Variants in PRKCZ observed in about 807,000 individuals in gnomAD.
PRKCZ encodes protein kinase C zeta.
PRKCZ carries 33 observed loss-of-function variants against 79.5 expected under a neutral mutation model. The ratio of observed to expected loss-of-function variants is 0.41; its 90% CI spans 0.31 to 0.55. PRKCZ has a LOEUF of 0.55. PRKCZ is among the 20% of genes least tolerant of loss of function. The pLI is 0.19. For synonymous variants in PRKCZ, 342 were observed against 320.9 expected (o/e 1.07, Z -0.70); for missense variants, 578 against 813.5 (o/e 0.71, Z 3.52).
intron 4 of PRKCZ, among the ~76,000 whole-genome samples, chr1:2,081,059 C>A (rs1663411469): frequency 1.3e-5 from 2 of 152,224 alleles, no homozygotes; most frequent in African/African-American, 4.8e-5. Flanking sequence ...CTCACACCTG[C>A]CCGTGCCTCT....
At chr1:2,145,269 G>C (rs116656192) in intron 6 of PRKCZ, 6 of 152,216 alleles carry the variant, frequency 3.9e-5, no homozygotes, top group Non-Finnish European at 8.8e-5. Context: ...AGCTAGAGGC[G>C]GAGGGAGGCC....
chr1:2,097,088 C>T (rs902642841), intron 4 of PRKCZ, among the ~76,000 whole-genome samples: 3 of 152,234 alleles, frequency 2.0e-5, no homozygotes, highest in African/African-American at 4.8e-5. Flanking sequence ...GAGGCTTCAT[C>T]GCCTGCACAG....
chr1:2,143,348 T>C (rs948180404), intron 5 of PRKCZ: 1 of 152,142 alleles, frequency 6.6e-6, no homozygotes, highest in African/African-American at 2.4e-5. Context: ...TCGTCTTAAC[T>C]CAGGTGTGAG....
chr1:2,091,085 G>A (rs1225971883), intron 4 of PRKCZ, among the ~76,000 whole-genome samples: 1 of 152,212 alleles, frequency 6.6e-6, no homozygotes, highest in African/African-American at 2.4e-5. Flanking sequence ...AGGCTGGACT[G>A]CAGTGGTGCA....
At chr1:2,067,962 C>T (rs546649080) in intron 4 of PRKCZ, among the ~76,000 whole-genome samples, 209 of 152,312 alleles carry the variant, frequency 1.4e-3, no homozygotes, top group African/African-American at 4.7e-3. Context: ...TGACCTGGGA[C>T]GGGGCCCTTC....
chr1:2,056,374 C>T (rs1377493236), intron 2 of PRKCZ, 110 bp from the exon 3 acceptor site: 14 of 983,892 alleles, frequency 1.4e-5, no homozygotes, highest in Non-Finnish European at 1.6e-5. Flanking sequence ...GTCTGAGCAT[C>T]GGGACTTTGC....
chr1:2,102,314 GTTT>G lies in PRKCZ; in HGVS notation c.335-32939_335-32937del, dbSNP rs113018085. The stretch of plus-strand genomic sequence containing the variant: ...AAGCCTAGTACACGTTTTTTATTGC[GTTT>G]TTTTTTTTGTTTGTTTTGTTTTGTT... On this transcript the variant is annotated intron_variant, in intron 4 of 17. Coordinates refer to ENST00000378567, the MANE Select transcript of PRKCZ (RefSeq NM_002744.6). Among the ~76,000 whole-genome samples, 28 of 143,830 alleles carry G rather than the reference GTTT, an allele frequency of 1.9e-4. 1 individual carries two copies. In the East Asian group the frequency reaches 3.5e-3, roughly 18 times the overall value. The allele number at this position is 143,830 out of a possible 152,430, so 94.4% of individuals were successfully genotyped here.
chr1:2,085,144 G>A (rs1387947826), intron 4 of PRKCZ, among the ~76,000 whole-genome samples: 1 of 152,214 alleles, frequency 6.6e-6, no homozygotes, highest in Admixed American at 6.5e-5. Flanking sequence ...TCTGTCAGCT[G>A]GGTGAGGAGT....
At chr1:2,120,039 T>C (rs1671547499) in intron 4 of PRKCZ, among the ~76,000 whole-genome samples, 1 of 152,128 alleles carries the variant, frequency 6.6e-6, no homozygotes, top group African/African-American at 2.4e-5. Context: ...GTAGGGGGTT[T>C]CCCCCAACAG....
rs1673622855 is a variant in PRKCZ at position 2,125,156 on chromosome 1, G to A, written c.335-10106G>A. Among the ~76,000 whole-genome samples the A allele has an allele frequency of 6.6e-6, 1 of 152,108 alleles. No homozygotes were observed. The highest frequency in any genetic ancestry group is 2.4e-5 in the African/African-American group (1 of 41,414). On this transcript the variant is annotated intron_variant, in intron 4 of 17. Coordinates refer to ENST00000378567, the MANE Select transcript of PRKCZ (RefSeq NM_002744.6). The surrounding 1 kb of genome is among the most constrained non-coding windows in gnomAD (Gnocchi z 4.2). ...AACTCGGAGCAGCTTCTTGTTGTTG[G>A]TGTTGATGTGTTTTGTTTGTTTTAG...
intron 16 of PRKCZ, 135 bp from the exon 17 acceptor site, chr1:2,184,448 G>A: frequency 1.6e-6 from 1 of 620,718 alleles, no homozygotes. Context: ...AAAACACTTG[G>A]CAGTCAAATA....
chr1:2,057,185 C>A, intron 3 of PRKCZ, among the ~76,000 whole-genome samples: 1 of 152,220 alleles, frequency 6.6e-6, no homozygotes, highest in East Asian at 1.9e-4. Flanking sequence ...TCCCTAGGCC[C>A]GGCTCCAGGC....
intron 1 of PRKCZ, among the ~76,000 whole-genome samples, chr1:2,052,326 A>C (rs566602705): frequency 6.6e-6 from 1 of 151,972 alleles, no homozygotes; most frequent in East Asian, 1.9e-4. Context: ...GGGCGGGTGT[A>C]ATTCCACCCG....
At chr1:2,121,163 C>T (rs921647471) in intron 4 of PRKCZ, among the ~76,000 whole-genome samples, 1 of 152,188 alleles carries the variant, frequency 6.6e-6, no homozygotes, top group Non-Finnish European at 1.5e-5. Flanking sequence ...GTCCTTCTCA[C>T]GTGCAAAATA....
chr1:2,157,912 G>C (rs1269774691), intron 10 of PRKCZ, among the ~76,000 whole-genome samples: 1 of 151,832 alleles, frequency 6.6e-6, no homozygotes, highest in Non-Finnish European at 1.5e-5. Context: ...CCAGCTCCGG[G>C]CCAGCTTTGC....
chr1:2,093,155 G>A (rs1189629851), intron 4 of PRKCZ, among the ~76,000 whole-genome samples: 1 of 152,224 alleles, frequency 6.6e-6, no homozygotes, highest in Non-Finnish European at 1.5e-5. Flanking sequence ...GAGACCTGGC[G>A]GGAGAGGAGG....
intron 7 of PRKCZ, among the ~76,000 whole-genome samples, chr1:2,147,907 C>G (rs1678971563): frequency 6.6e-6 from 1 of 152,194 alleles, no homozygotes; most frequent in Non-Finnish European, 1.5e-5. Flanking sequence ...CTCCATCTTT[C>G]CGTCTGTTGT....
At chr1:2,054,444 C>T (rs1364782910) in intron 1 of PRKCZ, among the ~76,000 whole-genome samples, 2 of 152,176 alleles carry the variant, frequency 1.3e-5, no homozygotes, top group African/African-American at 2.4e-5. Context: ...CCTCGGGTCC[C>T]TATCAGCAGG....
At chr1:2,144,463 T>C in intron 6 of PRKCZ, 122 bp downstream of exon 6, 1 of 1,477,128 alleles carries the variant, frequency 6.8e-7, no homozygotes, top group Non-Finnish European at 9.0e-7. Context: ...GGTGCCGTCC[T>C]AGCTCTGGGC....
Sources: gnomAD v4.1 joint callset for allele counts (sites outside exome capture counted in the v4.1 genomes callset) on GRCh38, gnomAD v4.1.1 for gene constraint, Gnocchi (gnomAD v3.1) non-coding constraint, MANE v1.5 for transcripts, NCBI Gene and HGNC (gene_info 2026-07-23, HGNC 2026-07-21) for gene names.